HNRNPR: variants seen among roughly 807,000 people sequenced by gnomAD.
The protein encoded by HNRNPR is heterogeneous nuclear ribonucleoprotein R.
HNRNPR carries 4 observed loss-of-function variants against 70.3 expected under a neutral mutation model. That is an observed-to-expected ratio of 0.06 (90% CI 0.03 to 0.13). HNRNPR has a LOEUF of 0.13. Among genes scored for constraint, HNRNPR ranks in the 10% least tolerant of loss-of-function variants. HNRNPR has a pLI of 1.00. For synonymous variants in HNRNPR, 241 were observed against 267.6 expected, an observed-to-expected ratio of 0.90 and a Z score of 0.97; for missense variants, 423 against 788.5, an observed-to-expected ratio of 0.54 and a Z score of 5.55.
At chr1:23,336,315 C>T (rs1646481647) in intron 4 of HNRNPR, among the ~76,000 whole-genome samples, 1 of 151,120 alleles carries the variant, frequency 6.6e-6, no homozygotes, top group South Asian at 2.1e-4. Flanking sequence ...CCTGTAATCC[C>T]AGCACTTTGG....
At chr1:23,332,404 T>TAA (rs11445510) in intron 5 of HNRNPR, among the ~76,000 whole-genome samples, 485 of 145,684 alleles carry the variant, frequency 3.3e-3, no homozygotes, top group Middle Eastern at 7.1e-3. Flanking sequence ...TTATTGATAT[T>TAA]AAAAAAAAAA....
rs1645205344 is a variant in HNRNPR at position 23,306,597 on chromosome 1, A to C, written c.*3857T>G. On this transcript the variant is annotated 3_prime_UTR_variant, in exon 11 of 11. Coordinates refer to ENST00000302271, the MANE Select transcript of HNRNPR (RefSeq NM_005826.5). The stretch of plus-strand genomic sequence containing the variant: ...TCTGAAAATGATTAAAAAAACAAAA[A>C]AACAAAACAAAACAAAACAAAACCA... The C allele has an allele frequency of 6.6e-6, 1 of 151,148 alleles. No individual in the cohort carries two copies. The highest frequency in any genetic ancestry group is 2.4e-5 in the African/African-American group (1 of 41,226). The allele number at this position is 151,148 out of a possible 1,614,324, so 9.4% of individuals were successfully genotyped here.
At chr1:23,317,516 C>T (rs1645594336) in intron 8 of HNRNPR, among the ~76,000 whole-genome samples, 1 of 151,930 alleles carries the variant, frequency 6.6e-6, no homozygotes, top group Non-Finnish European at 1.5e-5. Flanking sequence ...AACTTAAGAA[C>T]CAGTACTCAA....
At chr1:23,330,206 C>T (rs956991201) in intron 5 of HNRNPR, among the ~76,000 whole-genome samples, 8 of 152,074 alleles carry the variant, frequency 5.3e-5, no homozygotes, top group African/African-American at 1.9e-4. Context: ...ACAGTCATGA[C>T]CTCCAAGAAT....
intron 7 of HNRNPR, among the ~76,000 whole-genome samples, chr1:23,319,585 C>CT (rs1645677907): frequency 6.6e-6 from 1 of 152,156 alleles, no homozygotes; most frequent in South Asian, 2.1e-4. Flanking sequence ...ACTCACACCC[C>CT]TTCTCTCCAA....
At chr1:23,337,948 C>A in intron 3 of HNRNPR, 87 bp from the exon 4 acceptor site, 1 of 832,774 alleles carries the variant, frequency 1.2e-6, no homozygotes, top group East Asian at 2.5e-5. Flanking sequence ...TTCAGAAAAC[C>A]AGGATTTTAA....
At chr1:23,337,884 T>C in intron 3 of HNRNPR, 23 bp from the exon 4 acceptor site, 1 of 1,421,930 alleles carries the variant, frequency 7.0e-7, no homozygotes, top group Non-Finnish European at 9.8e-7. Flanking sequence ...AGTAATTCAA[T>C]AAAAAGAATC....
intron 9 of HNRNPR, among the ~76,000 whole-genome samples, chr1:23,313,012 A>C (rs1174708686): frequency 2.6e-5 from 4 of 152,202 alleles, no homozygotes; most frequent in African/African-American, 9.6e-5. Context: ...TTATCATCAA[A>C]GACTAAATCA....
chr1:23,327,995 C>CAAAA (rs11345105), intron 5 of HNRNPR, among the ~76,000 whole-genome samples: 15 of 118,716 alleles, frequency 1.3e-4, no homozygotes, highest in Non-Finnish European at 2.0e-4. Context: ...GACTCTGTCT[C>CAAAA]AAAAAAAAAA....
intron 1 of HNRNPR, among the ~76,000 whole-genome samples, chr1:23,341,583 C>T (rs183592750): frequency 9.9e-5 from 15 of 152,154 alleles, no homozygotes; most frequent in Non-Finnish European, 1.8e-4. Context: ...AAAAAACCAA[C>T]TTGACATTAA....
At chr1:23,316,208 A>G (rs944595691) in intron 8 of HNRNPR, among the ~76,000 whole-genome samples, 3 of 152,198 alleles carry the variant, frequency 2.0e-5, no homozygotes, top group African/African-American at 7.2e-5. Context: ...GGGAGGCTGA[A>G]GCAGGAGGGA....
At chr1:23,320,843 AATTCC>A (rs1430114548) in intron 7 of HNRNPR, among the ~76,000 whole-genome samples, 5 of 152,138 alleles carry the variant, frequency 3.3e-5, no homozygotes, top group Non-Finnish European at 7.3e-5. Flanking sequence ...CTTCTCAATC[AATTCC>A]ATGGATTTAG....
Position 23,337,850 on chromosome 1 carries a change from T to C in HNRNPR, c.288A>G (p.Ala96=), listed in dbSNP as rs1646560910. Residue 96 remains alanine (A), a synonymous_variant, in exon 4 of 11, where the codon GCA becomes GCG. Transcript: ENST00000302271. ...SDLSHVQNKS[A]FLCGVMKTYR... is the part of the protein sequence containing the mutation. ...AGGTCTTCATAACTCCACATAAAAATGCACTTTTGTTCTAGAACAGACAAG... is the reference window on the plus strand; with the variant it reads ...AGGTCTTCATAACTCCACATAAAAACGCACTTTTGTTCTAGAACAGACAAG... 1.1e-5 allele frequency: 18 copies of C among 1,607,570 alleles called. No individual in the cohort carries two copies. Among genetic ancestry groups the C allele is most frequent in the Non-Finnish European group, 1.4e-5 (16 of 1,175,138 alleles).
In HNRNPR at chr1:23,321,649, T is replaced by A; in HGVS notation, c.690A>T (p.Glu230Asp). 1 of 1,609,224 alleles carries A rather than the reference T, an allele frequency of 6.2e-7. No homozygotes were observed. The highest frequency in any genetic ancestry group is 8.5e-7 in the Non-Finnish European group (1 of 1,177,308). ...QEAVKLCDSYEIRPGKHLGVC... is the reference protein window; with the variant it reads ...QEAVKLCDSYDIRPGKHLGVC... ...CTCCAAGGTGTTTACCAGGGCGAAT[T>A]TCATAGCTGTCACACTGCAATAAGA... Residue 230 changes from glutamate to aspartate, a missense_variant, in exon 7 of 11, where the codon GAA becomes GAT. This residue lies in a region of HNRNPR where 118 missense variants were observed against 239.3 expected (regional missense o/e 0.49). Transcript: ENST00000302271.
rs759133817 is a variant in HNRNPR at position 23,321,545 on chromosome 1, TC to T, written c.793del (p.Glu265AsnfsTer45). 1 of 1,610,406 alleles carries T rather than the reference TC, an allele frequency of 6.2e-7. No individual in the cohort carries two copies. The highest frequency in any genetic ancestry group is 1.1e-5 in the South Asian group (1 of 89,828). ...TGTTTTACCTGTGACTTTACTGAAT[TC>T]TTCCAAAATGTTTTCTTTAGTCTTA... ...KNKTKENILE[E>X]FSKVTEGLVD... On this transcript the variant is annotated frameshift_variant, in exon 7 of 11. Coordinates refer to ENST00000302271, the MANE Select transcript of HNRNPR (RefSeq NM_005826.5). LOFTEE classifies it high-confidence loss of function.
intron 5 of HNRNPR, among the ~76,000 whole-genome samples, chr1:23,329,633 A>G (rs1194772600): frequency 6.6e-6 from 1 of 152,204 alleles, no homozygotes; most frequent in African/African-American, 2.4e-5. Flanking sequence ...GTCATTCAAC[A>G]GTCTTTTCTT....
chr1:23,330,278 T>C (rs992314389), intron 5 of HNRNPR, among the ~76,000 whole-genome samples: 1 of 151,742 alleles, frequency 6.6e-6, no homozygotes. Context: ...TGCTCACTCC[T>C]GTAATCCCAG....
chr1:23,338,023 G>A (rs1646567583), intron 3 of HNRNPR, 162 bp from the exon 4 acceptor site: 2 of 584,926 alleles, frequency 3.4e-6, no homozygotes, highest in Non-Finnish European at 3.0e-6. Flanking sequence ...AGAGATTGGA[G>A]CAGACAGCAG....
rs540121964 is a variant in HNRNPR, at chr1:23,334,696, G to A, written c.385-1065C>T. On this transcript the variant is annotated intron_variant, in intron 4 of 10. Coordinates refer to ENST00000302271, the MANE Select transcript of HNRNPR (RefSeq NM_005826.5). ...GCAATTACCAAATAAGTATAGTCAG[G>A]TTCCGAAAAATAAGTAAAATCTTGT... is the stretch of plus-strand genomic sequence containing the variant. Among the ~76,000 whole-genome samples the A allele has an allele frequency of 5.8e-4, 88 of 152,220 alleles. No individual in the cohort carries two copies. In the South Asian group the frequency reaches 0.018, roughly 30 times the overall value.
Sources: gnomAD v4.1 joint callset for allele counts (sites outside exome capture counted in the v4.1 genomes callset) on GRCh38, gnomAD v4.1.1 for gene constraint, gnomAD v4.1.1 regional missense constraint, MANE v1.5 for transcripts, NCBI Gene and HGNC (gene_info 2026-07-23, HGNC 2026-07-21) for gene names.